The following EVI5 variants were observed in gnomAD, a reference collection of about 807,000 sequenced individuals.
EVI5 encodes ecotropic viral integration site 5 protein homolog.
In EVI5, 73 loss-of-function variants were observed where a neutral mutation model predicts 112.0. The ratio of observed to expected loss-of-function variants is 0.65; its 90% CI spans 0.54 to 0.79. The LOEUF (loss-of-function observed/expected upper bound fraction) is 0.79, where lower values mean the gene tolerates loss of function less well. Among genes scored for constraint, EVI5 ranks in the 30% least tolerant of loss-of-function variants. EVI5 has a pLI of 0.00. For missense variants in EVI5, 900 were observed against 968.8 expected (o/e 0.93, Z 0.94); for synonymous variants, 305 against 319.9 (o/e 0.95, Z 0.50).
chr1:92,627,602 ACT>A (rs1263379709), intron 14 of EVI5, among the ~76,000 whole-genome samples: 1 of 152,198 alleles, frequency 6.6e-6, no homozygotes, highest in Admixed American at 6.5e-5. Context: ...GAATCTCCAC[ACT>A]GTTTTCCATA....
Position 92,641,180 on chromosome 1 carries a change from A to G in EVI5, c.1393-4844T>C, listed in dbSNP as rs555130973. 1.2e-4 allele frequency among the ~76,000 whole-genome samples: 18 copies of G among 152,020 alleles called. 1 individual carries two copies. The highest frequency in any genetic ancestry group is 4.4e-4 in the African/African-American group (18 of 41,296). On this transcript the variant is annotated intron_variant, in intron 13 of 19. Transcript: ENST00000684568. The stretch of plus-strand genomic sequence containing the variant: ...TGCACATTCTGCACATGTATCCCAG[A>G]ACTTAAAAGTAAAATTGAAAAAAAA...
chr1:92,537,714 C>T (rs1053336424), intron 19 of EVI5, among the ~76,000 whole-genome samples: 3 of 150,964 alleles, frequency 2.0e-5, no homozygotes, highest in East Asian at 1.9e-4. Context: ...TAAAAGTGAT[C>T]GACTGGAGGT....
At chr1:92,773,463 A>G (rs1217738425) in intron 1 of EVI5, among the ~76,000 whole-genome samples, 2 of 152,124 alleles carry the variant, frequency 1.3e-5, no homozygotes, top group Non-Finnish European at 2.9e-5. Flanking sequence ...ACAATTCCAG[A>G]CTGGGCAACA....
intron 10 of EVI5, among the ~76,000 whole-genome samples, chr1:92,674,076 A>G (rs1666310538): frequency 6.6e-6 from 1 of 152,242 alleles, no homozygotes. Context: ...GCAAGAAAGT[A>G]CTAGTTTACA....
chr1:92,711,520 C>T (rs1316345114), intron 2 of EVI5, among the ~76,000 whole-genome samples: 1 of 152,090 alleles, frequency 6.6e-6, no homozygotes, highest in Non-Finnish European at 1.5e-5. Context: ...TACACTGGCA[C>T]TTACAAGTGC....
intron 2 of EVI5, among the ~76,000 whole-genome samples, chr1:92,720,934 C>A (rs961879878): frequency 6.6e-6 from 1 of 152,176 alleles, no homozygotes; most frequent in Admixed American, 6.5e-5. Flanking sequence ...CTCATCATCA[C>A]TGGTCATCAG....
intron 16 of EVI5, among the ~76,000 whole-genome samples, chr1:92,608,298 A>G (rs1276758222): frequency 3.3e-5 from 5 of 152,254 alleles, no homozygotes; most frequent in African/African-American, 7.2e-5. Context: ...TCTTATACAC[A>G]ACTTGAAGGT....
intron 1 of EVI5, among the ~76,000 whole-genome samples, chr1:92,744,625 C>T (rs1678997620): frequency 6.6e-6 from 1 of 151,774 alleles, no homozygotes; most frequent in Non-Finnish European, 1.5e-5. Context: ...CACACACACA[C>T]ACACACACAC....
intron 14 of EVI5, among the ~76,000 whole-genome samples, chr1:92,629,514 T>C (rs79226943): frequency 0.042 from 6,340 of 152,286 alleles, 390 homozygotes; most frequent in African/African-American, 0.13. Context: ...CCATTACTTA[T>C]CTCATCTTTG....
intron 4 of EVI5, 151 bp from the exon 5 acceptor site, chr1:92,702,366 T>C: frequency 2.3e-6 from 1 of 434,842 alleles, no homozygotes; most frequent in Non-Finnish European, 4.2e-6. Flanking sequence ...CCTATACATA[T>C]TTAAAAAGCA....
At chr1:92,599,412 T>G (rs150721971) in intron 18 of EVI5, among the ~76,000 whole-genome samples, 760 of 152,146 alleles carry the variant, frequency 5.0e-3, no homozygotes, top group African/African-American at 0.017. Context: ...ATCTAAGATA[T>G]TTCCATGACT....
chr1:92,576,216 A>G (rs1477532192), intron 18 of EVI5, among the ~76,000 whole-genome samples: 1 of 150,796 alleles, frequency 6.6e-6, no homozygotes, highest in East Asian at 1.9e-4. Flanking sequence ...TATTATGTAT[A>G]CATGTCCTAC....
At chr1:92,625,211 T>C (rs1655416528) in intron 15 of EVI5, among the ~76,000 whole-genome samples, 1 of 152,180 alleles carries the variant, frequency 6.6e-6, no homozygotes, top group South Asian at 2.1e-4. Context: ...TTTTTTGTTT[T>C]AAAATTTCAA....
In EVI5 at chr1:92,665,941, T is replaced by C; in HGVS notation, c.1210A>G (p.Lys404Glu). 1 of 1,599,972 alleles carries C rather than the reference T, an allele frequency of 6.3e-7. No individual in the cohort carries two copies. Among genetic ancestry groups the C allele is most frequent in the Non-Finnish European group, 8.5e-7 (1 of 1,172,992 alleles). Residue 404 changes from lysine (K) to glutamate (E), a missense_variant and splice_region_variant, in exon 11 of 20, where the codon AAA becomes GAA. Physicochemically the swap from Lys to Glu is moderately conservative, Grantham distance 56. Transcript: ENST00000684568. ...TGCATAAGTAGTCACTTACTTACTT[T>C]TTCTAATGTCTCGATGCGCTGTTTT... ...LLKQRIETLEKESASLADRLI... is the reference protein window; with the variant it reads ...LLKQRIETLEEESASLADRLI...
At chr1:92,709,612 T>A (rs1040853601) in intron 2 of EVI5, among the ~76,000 whole-genome samples, 7 of 152,210 alleles carry the variant, frequency 4.6e-5, no homozygotes, top group African/African-American at 1.7e-4. Flanking sequence ...ACTTTAGAAT[T>A]TTTATAATGA....
At chr1:92,771,060 C>T (rs1161894490) in intron 1 of EVI5, among the ~76,000 whole-genome samples, 2 of 151,888 alleles carry the variant, frequency 1.3e-5, no homozygotes, top group East Asian at 1.9e-4. Flanking sequence ...AGGTGATCCA[C>T]CCACCTCGGC....
At chr1:92,638,387 A>C (rs1301326600) in intron 13 of EVI5, among the ~76,000 whole-genome samples, 1 of 147,086 alleles carries the variant, frequency 6.8e-6, no homozygotes, top group Non-Finnish European at 1.5e-5. Context: ...ATAACTCTAA[A>C]CGTATTATGT....
At chr1:92,586,241 T>G (rs1672756711) in intron 18 of EVI5, among the ~76,000 whole-genome samples, 1 of 152,186 alleles carries the variant, frequency 6.6e-6, no homozygotes, top group African/African-American at 2.4e-5. Context: ...CCCCCATACT[T>G]TTCCTTTGGA....
chr1:92,531,717 C>A (rs2101853985), intron 19 of EVI5, among the ~76,000 whole-genome samples: 1 of 152,290 alleles, frequency 6.6e-6, no homozygotes, highest in East Asian at 1.9e-4. Flanking sequence ...AAAATAAAAT[C>A]TTTTACAGAC....
Sources: allele counts gnomAD v4.1 joint callset (sites outside exome capture counted in the v4.1 genomes callset), GRCh38; gene constraint gnomAD v4.1.1; transcripts MANE v1.5; gene names NCBI Gene and HGNC (gene_info 2026-07-23, HGNC 2026-07-21).